SLC25A31: variants seen among roughly 807,000 people sequenced by gnomAD.
SLC25A31 encodes the protein ADP/ATP translocase 4.
A neutral mutation model predicts 36.2 loss-of-function variants in SLC25A31; 40 were observed. That is an observed-to-expected ratio of 1.10 (90% confidence interval 0.86 to 1.44). The LOEUF is 1.44. SLC25A31 is among the 40% of genes most tolerant of loss of function. The probability of loss-of-function intolerance (pLI) is 0.00; values close to 1 mark genes in which losing one functional copy is unlikely to be tolerated. For synonymous variants in SLC25A31, 143 were observed against 149.7 expected, an observed-to-expected ratio of 0.96 and a Z score of 0.32; for missense variants, 350 against 397.1, an observed-to-expected ratio of 0.88 and a Z score of 1.01.
intron 2 of SLC25A31, among the ~76,000 whole-genome samples, chr4:127,750,077 C>T (rs57648423): frequency 0.03 from 4,602 of 152,104 alleles, 295 homozygotes; most frequent in East Asian, 0.26. Flanking sequence ...GAATATTACA[C>T]CTGGCTAAAT....
At chr4:127,743,907 T>C (rs1338714381) in intron 1 of SLC25A31, among the ~76,000 whole-genome samples, 1 of 152,228 alleles carries the variant, frequency 6.6e-6, no homozygotes, top group Non-Finnish European at 1.5e-5. Context: ...AGAGGTATCC[T>C]GTTCAGAACA....
chr4:127,761,693 G>T lies in SLC25A31; in HGVS notation c.361-2550G>T, dbSNP rs1011872152. Among the ~76,000 whole-genome samples, 10 of 152,084 alleles carry T rather than the reference G, an allele frequency of 6.6e-5. 1 individual carries two copies. Among genetic ancestry groups the T allele is most frequent in the Admixed American group, 6.5e-4 (10 of 15,268 alleles). ...TAAAGGTCAGAGGTTCTTAACCTGG[G>T]ATCCGTGAATGCTTCCAGAATACCC... is the stretch of plus-strand genomic sequence containing the variant. On this transcript the variant is annotated intron_variant, in intron 2 of 5. Coordinates refer to ENST00000281154, the MANE Select transcript of SLC25A31 (RefSeq NM_031291.4).
Position 127,773,647 on chromosome 4 carries a change from A to C in SLC25A31, c.*73A>C. 3 of 1,210,004 alleles carry C rather than the reference A, an allele frequency of 2.5e-6. No individual in the cohort carries two copies. The highest frequency in any genetic ancestry group is 3.4e-6 in the Non-Finnish European group (3 of 884,448). 75.0% of individuals were successfully genotyped at this position (1,210,004 alleles called of 1,614,324 possible). On this transcript the variant is annotated 3_prime_UTR_variant, in exon 6 of 6. Transcript: ENST00000281154. ...CAAATTACATAGCTGCCATTTGCAT[A>C]CATTTTGATAGTGTTATTGTCTGTA...
At chr4:127,735,872 A>AT (rs1560630379) in intron 1 of SLC25A31, among the ~76,000 whole-genome samples, 157 of 84,456 alleles carry the variant, frequency 1.9e-3, no homozygotes, top group African/African-American at 5.6e-3. Flanking sequence ...CTTTTATTTT[A>AT]TTTATTTATT....
At chr4:127,751,510 G>GGGCAA in intron 2 of SLC25A31, among the ~76,000 whole-genome samples, 1 of 152,138 alleles carries the variant, frequency 6.6e-6, no homozygotes, top group Non-Finnish European at 1.5e-5. Context: ...ACATAGGCAT[G>GGGCAA]GGCAAGGACT....
rs139276351 is a variant in SLC25A31 at position 127,768,327 on chromosome 4, TTTG to T, written c.634-422_634-420del. 5.4e-3 allele frequency among the ~76,000 whole-genome samples: 827 copies of T among 152,166 alleles called. 8 individuals carry two copies. The highest frequency in any genetic ancestry group is 0.019 in the African/African-American group (793 of 41,548). On this transcript the variant is annotated intron_variant, in intron 4 of 5. Coordinates refer to ENST00000281154, the MANE Select transcript of SLC25A31 (RefSeq NM_031291.4). ...AGTTATGTGTGTACTCTGTCTCTAG[TTTG>T]TTATCACCTGCAGTAGTTATGAAAT...
chr4:127,734,938 G>A (rs1457408498), intron 1 of SLC25A31, among the ~76,000 whole-genome samples: 2 of 152,072 alleles, frequency 1.3e-5, no homozygotes, highest in Non-Finnish European at 2.9e-5. Flanking sequence ...AAGGTAGAGG[G>A]AATGACAAGC....
chr4:127,753,578 T>C (rs1426959933), intron 2 of SLC25A31, among the ~76,000 whole-genome samples: 3 of 152,136 alleles, frequency 2.0e-5, no homozygotes, highest in African/African-American at 7.2e-5. Flanking sequence ...TTATGTAGCC[T>C]GGAAGAAATG....
Position 127,734,179 on chromosome 4 carries a change from G to T in SLC25A31, c.232+3402G>T, listed in dbSNP as rs1238081982. Among the ~76,000 whole-genome samples the T allele has an allele frequency of 3.9e-5, 6 of 152,070 alleles. No individual in the cohort carries two copies. In the East Asian group the frequency reaches 1.2e-3, roughly 29 times the overall value. On this transcript the variant is annotated intron_variant, in intron 1 of 5. Transcript: ENST00000281154. ...CTAAAGTCACCACAATTAACATTTT[G>T]GTTTTTCACTGAGCAAAATATACAT...
chr4:127,765,945 A>C (rs1358365175), intron 3 of SLC25A31, among the ~76,000 whole-genome samples: 1 of 152,158 alleles, frequency 6.6e-6, no homozygotes, highest in Admixed American at 6.5e-5. Context: ...AGGAAGATTT[A>C]GTTTATTTTT....
intron 5 of SLC25A31, 116 bp downstream of exon 5, chr4:127,768,993 G>T: frequency 1.1e-6 from 1 of 931,706 alleles, no homozygotes. Context: ...GTTTTACTTA[G>T]CTAAAATAAA....
intron 2 of SLC25A31, among the ~76,000 whole-genome samples, chr4:127,750,022 C>T (rs11941394): frequency 0.035 from 5,265 of 151,984 alleles, 288 homozygotes; most frequent in African/African-American, 0.12. Context: ...GGAGTATTGG[C>T]ATGACATTTT....
intron 1 of SLC25A31, among the ~76,000 whole-genome samples, chr4:127,731,641 C>T (rs940327665): frequency 6.6e-6 from 1 of 152,142 alleles, no homozygotes; most frequent in Non-Finnish European, 1.5e-5. Flanking sequence ...GCCCAGATCG[C>T]GCCACCGCAC....
At chr4:127,733,067 ATAACT>A (rs1731560005) in intron 1 of SLC25A31, among the ~76,000 whole-genome samples, 2 of 152,334 alleles carry the variant, frequency 1.3e-5, no homozygotes, top group South Asian at 2.1e-4. Flanking sequence ...AAGCCTAGAA[ATAACT>A]TAACTCTGAT....
chr4:127,746,046 G>C (rs1227725538), intron 2 of SLC25A31, among the ~76,000 whole-genome samples: 1 of 152,174 alleles, frequency 6.6e-6, no homozygotes, highest in Admixed American at 6.6e-5. Flanking sequence ...TTACAAGTGA[G>C]AACATGCAGT....
intron 1 of SLC25A31, among the ~76,000 whole-genome samples, chr4:127,743,130 C>CT (rs57035802): frequency 0.069 from 8,832 of 128,016 alleles, 344 homozygotes; most frequent in Non-Finnish European, 0.098. Flanking sequence ...TTTTTCTTTT[C>CT]TTTTTTTTTT....
intron 3 of SLC25A31, among the ~76,000 whole-genome samples, chr4:127,766,157 T>TG (rs970242987): frequency 3.3e-5 from 5 of 151,542 alleles, no homozygotes; most frequent in African/African-American, 1.2e-4. Flanking sequence ...TATTTGTTTT[T>TG]TTTTTTGTTT....
chr4:127,735,895 T>A lies in SLC25A31; in HGVS notation c.232+5118T>A, dbSNP rs1345280511. On this transcript the variant is annotated intron_variant, in intron 1 of 5. Coordinates refer to ENST00000281154, the MANE Select transcript of SLC25A31 (RefSeq NM_031291.4). The stretch of plus-strand genomic sequence containing the variant: ...TTATTTATTTATTTATTTATTTATT[T>A]ATTTTTTTTTTTGAGACGGAGTCTC... Among the ~76,000 whole-genome samples, 4 of 85,844 alleles carry A rather than the reference T, an allele frequency of 4.7e-5. 1 individual carries two copies. The highest frequency in any genetic ancestry group is 8.8e-5 in the Non-Finnish European group (4 of 45,238). The allele number at this position is 85,844 out of a possible 152,430, so 56.3% of individuals were successfully genotyped here.
rs150228046 is a variant in SLC25A31 at position 127,730,657 on chromosome 4, G to T, written c.112G>T (p.Val38Leu). The T allele has an allele frequency of 3.7e-6, 6 of 1,613,806 alleles. No individual in the cohort carries two copies. The highest frequency in any genetic ancestry group is 5.1e-6 in the Non-Finnish European group (6 of 1,179,958). ...GVAAAVSKTA[V>L]APIERVKLLL... ...CGCGGCAGCTGTGTCCAAGACAGCG[G>T]TGGCGCCCATCGAGCGGGTGAAGCT... is the stretch of plus-strand genomic sequence containing the variant. The change falls in exon 1 of 6, where the codon GTG becomes TTG. Residue 38 changes from valine (V) to leucine (L), a missense_variant. Val to Leu is a conservative substitution (Grantham distance 32). Coordinates refer to ENST00000281154, the MANE Select transcript of SLC25A31 (RefSeq NM_031291.4).
Sources: allele counts gnomAD v4.1 joint callset (sites outside exome capture counted in the v4.1 genomes callset), GRCh38; gene constraint gnomAD v4.1.1; transcripts MANE v1.5; gene names NCBI Gene and HGNC (gene_info 2026-07-23, HGNC 2026-07-21).